Variants in FAM114A2 observed in about 807,000 individuals in gnomAD.
FAM114A2 encodes family with sequence similarity 114 member A2, also known as protein FAM114A2.
Under a neutral mutation model 58.4 loss-of-function variants are expected in FAM114A2, and 53 were observed. The observed-to-expected ratio is 0.91, with a 90% CI of 0.73 to 1.14. The LOEUF is 1.14. Ranked by LOEUF, FAM114A2 falls within the 50% of genes most tolerant of loss-of-function variation. The probability of loss-of-function intolerance (pLI) is 0.00; values close to 1 mark genes in which losing one functional copy is unlikely to be tolerated. For synonymous variants in FAM114A2, 228 were observed against 211.4 expected, an observed-to-expected ratio of 1.08 and a Z score of -0.68; for missense variants, 601 against 581.1, an observed-to-expected ratio of 1.03 and a Z score of -0.35.
chr5:154,002,866 A>C lies in FAM114A2; in HGVS notation c.1097T>G (p.Val366Gly). ...KQSEAENTEQ[V>G]NKNSIEDIHA... Reference sequence around the variant, plus strand: ...GGCTACCTCTATTGAATTTTTGTTGACTTGCTCAGTATTTTCTGCTTCCGA... The same window carrying C: ...GGCTACCTCTATTGAATTTTTGTTGCCTTGCTCAGTATTTTCTGCTTCCGA... The change falls in exon 10 of 14, where the codon GTC becomes GGC. Residue 366 changes from valine (V) to glycine (G), a missense_variant. Physicochemically the swap from Val to Gly is moderately radical, Grantham distance 109. Coordinates refer to ENST00000351797, the MANE Select transcript of FAM114A2 (RefSeq NM_018691.4). 1 of 1,614,108 alleles carries C rather than the reference A, an allele frequency of 6.2e-7. No individual in the cohort carries two copies.
intron 13 of FAM114A2, 139 bp downstream of exon 13, chr5:153,994,780 C>T (rs934431117): frequency 3.3e-6 from 2 of 610,836 alleles, no homozygotes; most frequent in African/African-American, 3.7e-5. Flanking sequence ...CAAATATACA[C>T]TATTTCTGTC....
At chr5:153,993,144 A>T in intron 13 of FAM114A2, 34 bp from the exon 14 acceptor site, 1 of 1,579,606 alleles carries the variant, frequency 6.3e-7, no homozygotes, top group Non-Finnish European at 8.6e-7. Context: ...AAAAGAAAAT[A>T]TTAGTTATTT....
intron 7 of FAM114A2, 131 bp downstream of exon 7, chr5:154,027,045 G>A (rs1298087207): frequency 1.5e-6 from 1 of 647,536 alleles, no homozygotes; most frequent in Non-Finnish European, 2.6e-6. Context: ...TTTTGTGGTA[G>A]TATTTCGAAG....
In FAM114A2 at chr5:153,996,127, T is replaced by TA. The variant is rs555233182; in HGVS notation, c.1330-1156dup. Among the ~76,000 whole-genome samples, 172 of 152,258 alleles carry TA rather than the reference T, an allele frequency of 1.1e-3. 4 individuals carry two copies. In the South Asian group the frequency reaches 0.032, roughly 28 times the overall value. ...AAAATAAGAACAAAGTTGGAGGACT[T>TA]ACACTTCTTGATTCCAAACCTACTA... On this transcript the variant is annotated intron_variant, in intron 12 of 13. Coordinates refer to ENST00000351797, the MANE Select transcript of FAM114A2 (RefSeq NM_018691.4).
At position 154,002,668 on chromosome 5, in the gene FAM114A2, TTC is replaced by T. The variant is rs1365215811; in HGVS notation, c.1116+177_1116+178del. Among the ~76,000 whole-genome samples, 3 of 152,292 alleles carry T rather than the reference TTC, an allele frequency of 2.0e-5. No homozygotes were observed. The South Asian group carries it at 6.2e-4, about 32-fold the overall frequency. On this transcript the variant is annotated intron_variant, in intron 10 of 13. Transcript: ENST00000351797. ...TCATGACAAAACACACGCGCATCCT[TTC>T]TCTCTTTTTTTCTTCACTCCTCCTT...
chr5:154,026,684 T>C (rs369550841), intron 7 of FAM114A2, among the ~76,000 whole-genome samples, 162 bp from the exon 8 acceptor site: 3 of 152,312 alleles, frequency 2.0e-5, no homozygotes, highest in East Asian at 3.9e-4. Context: ...AGGCTGGTTA[T>C]GACAGAAAGG....
intron 9 of FAM114A2, among the ~76,000 whole-genome samples, chr5:154,010,217 G>GT (rs1363149647): frequency 2.0e-5 from 3 of 152,152 alleles, no homozygotes; most frequent in African/African-American, 7.2e-5. Flanking sequence ...AGCAAATGAA[G>GT]TAAGTATTAA....
Position 153,990,499 on chromosome 5 carries a change from T to TC in FAM114A2, c.*2476_*2477insG, listed in dbSNP as rs1285271128. ...GCCTGCCAACCTGGATATCTATGCT[T>TC]AAAAAAAAAAAAAAAAACTATCAAA... On this transcript the variant is annotated 3_prime_UTR_variant, in exon 14 of 14. Coordinates refer to ENST00000351797, the MANE Select transcript of FAM114A2 (RefSeq NM_018691.4). 1 of 143,394 alleles carries TC rather than the reference T, an allele frequency of 7.0e-6. No individual in the cohort carries two copies. Among genetic ancestry groups the TC allele is most frequent in the African/African-American group, 2.6e-5 (1 of 38,822 alleles). 8.9% of individuals were successfully genotyped at this position (143,394 alleles called of 1,614,324 possible). A position where few individuals can be genotyped will look rare whatever the true frequency, so the allele number is the denominator to read the frequency against.
chr5:154,009,567 CA>C (rs1770561540), intron 9 of FAM114A2, among the ~76,000 whole-genome samples: 1 of 152,132 alleles, frequency 6.6e-6, no homozygotes, highest in Non-Finnish European at 1.5e-5. Flanking sequence ...TATCTCCTCA[CA>C]GAAAGTTTAT....
chr5:154,009,363 C>T (rs1410925517), intron 9 of FAM114A2, among the ~76,000 whole-genome samples: 2 of 152,094 alleles, frequency 1.3e-5, no homozygotes, highest in Admixed American at 6.5e-5. Context: ...AAAAGCAGAA[C>T]TCCATGAAAG....
chr5:153,994,881 A>G (rs373600966), intron 13 of FAM114A2, 38 bp downstream of exon 13: 19 of 1,352,222 alleles, frequency 1.4e-5, no homozygotes, highest in Non-Finnish European at 1.9e-5. Flanking sequence ...ATTATACGTA[A>G]TACCTTTGGA....
Position 154,023,025 on chromosome 5 carries a change from C to CT in FAM114A2, c.913+3373dup, listed in dbSNP as rs1454634288. On this transcript the variant is annotated intron_variant, in intron 8 of 13. Transcript: ENST00000351797. Reference sequence around the variant, plus strand: ...GCTGGAAACCATCATTCTGAGCAAACTATCACAAGGACAGAAAACCAAACA... The same window carrying CT: ...GCTGGAAACCATCATTCTGAGCAAACTTATCACAAGGACAGAAAACCAAACA... Among the ~76,000 whole-genome samples the CT allele has an allele frequency of 1.2e-4, 19 of 152,270 alleles. No individual in the cohort carries two copies. In the East Asian group the frequency reaches 3.5e-3, roughly 28 times the overall value.
Position 154,021,728 on chromosome 5 carries a change from T to G in FAM114A2, c.913+4671A>C, listed in dbSNP as rs553002099. 7.9e-5 allele frequency among the ~76,000 whole-genome samples: 12 copies of G among 152,210 alleles called. No homozygotes were observed. In the South Asian group the frequency reaches 2.5e-3, roughly 32 times the overall value. ...GTGAAAATGGCCATACTGCCCAAGG[T>G]AATTTATAGATTCAATGCCATCCCC... On this transcript the variant is annotated intron_variant, in intron 8 of 13. Transcript: ENST00000351797.
intron 4 of FAM114A2, among the ~76,000 whole-genome samples, chr5:154,030,511 G>C (rs183662511): frequency 1.1e-4 from 16 of 152,288 alleles, no homozygotes; most frequent in African/African-American, 2.6e-4. Flanking sequence ...CACACAAGAA[G>C]AACAACAAAG....
intron 8 of FAM114A2, among the ~76,000 whole-genome samples, chr5:154,019,384 C>T (rs575731610): frequency 1.5e-3 from 222 of 152,086 alleles, no homozygotes; most frequent in Non-Finnish European, 2.6e-3. Flanking sequence ...AAATCATAGA[C>T]GATACAAACA....
At chr5:154,012,848 AC>A (rs1770788593) in intron 8 of FAM114A2, among the ~76,000 whole-genome samples, 1 of 152,126 alleles carries the variant, frequency 6.6e-6, no homozygotes, top group Non-Finnish European at 1.5e-5. Flanking sequence ...GGATGCATAT[AC>A]CCAAAGAGGT....
At chr5:154,014,822 A>C (rs1770925331) in intron 8 of FAM114A2, among the ~76,000 whole-genome samples, 1 of 152,190 alleles carries the variant, frequency 6.6e-6, no homozygotes, top group Admixed American at 6.5e-5. Context: ...AGGAGAGGGC[A>C]TGAATCCAGT....
At position 154,006,448 on chromosome 5, in the gene FAM114A2, A is replaced by C. The variant is rs137886669; in HGVS notation, c.994-3479T>G. Among the ~76,000 whole-genome samples, 384 of 152,338 alleles carry C rather than the reference A, an allele frequency of 2.5e-3. 1 individual carries two copies. Among genetic ancestry groups the C allele is most frequent in the Middle Eastern group, 3.4e-3 (1 of 294 alleles). On this transcript the variant is annotated intron_variant, in intron 9 of 13. Coordinates refer to ENST00000351797, the MANE Select transcript of FAM114A2 (RefSeq NM_018691.4). ...TGAAATCTGAAGGAATTGGCCATAC[A>C]AATAGTTAGGCAAAGAGAGTTGTAA...
At chr5:154,011,691 T>A (rs987511848) in intron 8 of FAM114A2, among the ~76,000 whole-genome samples, 1 of 152,090 alleles carries the variant, frequency 6.6e-6, no homozygotes, top group African/African-American at 2.4e-5. Context: ...AGAGCAAGAA[T>A]ATAGAAATGG....
Sources: allele counts gnomAD v4.1 joint callset (sites outside exome capture counted in the v4.1 genomes callset), GRCh38; gene constraint gnomAD v4.1.1; transcripts MANE v1.5; gene names NCBI Gene and HGNC (gene_info 2026-07-23, HGNC 2026-07-21).